SLC22A23: variants seen among roughly 807,000 people sequenced by gnomAD.
The protein encoded by SLC22A23 is solute carrier family 22 member 23, also known as ion transporter protein.
A neutral mutation model predicts 61.0 loss-of-function variants in SLC22A23; 26 were observed. The ratio of observed to expected loss-of-function variants is 0.43; its 90% CI spans 0.31 to 0.59. The LOEUF (loss-of-function observed/expected upper bound fraction) is 0.59. Among genes scored for constraint, SLC22A23 ranks in the 20% least tolerant of loss-of-function variants. The probability of loss-of-function intolerance (pLI) is 0.11; values close to 1 mark genes in which losing one functional copy is unlikely to be tolerated. For synonymous variants in SLC22A23, 430 were observed against 413.9 expected, an observed-to-expected ratio of 1.04 and a Z score of -0.47; for missense variants, 796 against 934.7, an observed-to-expected ratio of 0.85 and a Z score of 1.94.
intron 3 of SLC22A23, among the ~76,000 whole-genome samples, chr6:3,345,912 C>A (rs1490495816): frequency 6.6e-6 from 1 of 152,148 alleles, no homozygotes; most frequent in Non-Finnish European, 1.5e-5. Context: ...TATAGCCGAG[C>A]TTGTTTCTTA....
intron 3 of SLC22A23, among the ~76,000 whole-genome samples, chr6:3,402,463 GCCCTAATCACCC>G (rs1768477997): frequency 1.6e-3 from 47 of 29,592 alleles, no homozygotes; most frequent in African/African-American, 5.3e-3. Context: ...CTCTAGCTAA[GCCCTAATCACCC>G]ACACTACCCA....
At position 3,272,947 on chromosome 6, in the gene SLC22A23, G is replaced by A; in HGVS notation, c.*108C>T. The A allele has an allele frequency of 9.8e-7, 1 of 1,025,628 alleles. No homozygotes were observed. 63.5% of individuals were successfully genotyped at this position (1,025,628 alleles called of 1,614,324 possible). ...TTCCCCACACCAGTTGAGAGGCTCA[G>A]CTTGGCTGAGGCAGCTTTCCCACCC... On this transcript the variant is annotated 3_prime_UTR_variant, in exon 10 of 10. Transcript: ENST00000406686.
rs969709172 is a variant in SLC22A23 at position 3,333,349 on chromosome 6, C to T, written c.914-9347G>A. On this transcript the variant is annotated intron_variant, in intron 3 of 9. Coordinates refer to ENST00000406686, the MANE Select transcript of SLC22A23 (RefSeq NM_015482.2). The surrounding 1 kb of genome is among the most constrained non-coding windows in gnomAD (Gnocchi z 4.1). ...CTCTGGGTGATAGCTAATTTCACACCACACGTGCCCCTCCAAGGGCTCCTG... is the reference window on the plus strand; with the variant it reads ...CTCTGGGTGATAGCTAATTTCACACTACACGTGCCCCTCCAAGGGCTCCTG... 1.1e-4 allele frequency among the ~76,000 whole-genome samples: 16 copies of T among 152,236 alleles called. No homozygotes were observed. The highest frequency in any genetic ancestry group is 1.0e-3 in the Admixed American group (16 of 15,290).
At chr6:3,306,284 AC>A (rs1423440431) in intron 4 of SLC22A23, among the ~76,000 whole-genome samples, 1 of 152,128 alleles carries the variant, frequency 6.6e-6, no homozygotes, top group Admixed American at 6.5e-5. Flanking sequence ...ACCAGGCCCT[AC>A]CTCCAACACC....
In SLC22A23 at chr6:3,322,626, G is replaced by A. The variant is rs73354736; in HGVS notation, c.1082+1208C>T. On this transcript the variant is annotated intron_variant, in intron 4 of 9. Transcript: ENST00000406686. This position sits in a 1 kb window ranked among gnomAD's most constrained non-coding sequence, Gnocchi z 4.1. ...CTATTGCTGGCCCCCTGCTGCTGCC[G>A]AGGTCCTCATAACACAGTGAGCAAG... Among the ~76,000 whole-genome samples, 2 of 152,220 alleles carry A rather than the reference G, an allele frequency of 1.3e-5. No individual in the cohort carries two copies. The highest frequency in any genetic ancestry group is 4.8e-5 in the African/African-American group (2 of 41,524).
chr6:3,401,440 TTC>T (rs1260280277), intron 3 of SLC22A23, among the ~76,000 whole-genome samples: 2 of 113,552 alleles, frequency 1.8e-5, no homozygotes, highest in East Asian at 2.5e-4. Context: ...AAATATAACT[TTC>T]TTTCTAAAAT....
intron 3 of SLC22A23, among the ~76,000 whole-genome samples, chr6:3,337,489 T>C (rs1763924848): frequency 6.6e-6 from 1 of 151,470 alleles, no homozygotes; most frequent in Non-Finnish European, 1.5e-5. Context: ...CTGCCCCCAG[T>C]GTTAACATTC....
intron 1 of SLC22A23, among the ~76,000 whole-genome samples, chr6:3,443,081 AGT>A (rs1771699181): frequency 1.3e-5 from 2 of 152,206 alleles, no homozygotes. Context: ...GCCCTCAAAA[AGT>A]GTGTTTTGCT....
rs1765363039 is a variant in SLC22A23 at position 3,360,410 on chromosome 6, G to T, written c.914-36408C>A. ...ACCCAAGGATCCTTAAACTCAGGAG[G>T]ATCAGAAAGGCTCAATCACCAGGAG... is the stretch of plus-strand genomic sequence containing the variant. On this transcript the variant is annotated intron_variant, in intron 3 of 9. Coordinates refer to ENST00000406686, the MANE Select transcript of SLC22A23 (RefSeq NM_015482.2). The surrounding 1 kb of genome is among the most constrained non-coding windows in gnomAD (Gnocchi z 4.6). 6.6e-6 allele frequency among the ~76,000 whole-genome samples: 1 copy of T among 152,164 alleles called. No homozygotes were observed. Among genetic ancestry groups the T allele is most frequent in the South Asian group, 2.1e-4 (1 of 4,816 alleles).
intron 1 of SLC22A23, among the ~76,000 whole-genome samples, chr6:3,450,329 C>T (rs941895193): frequency 3.9e-5 from 6 of 152,128 alleles, no homozygotes; most frequent in Non-Finnish European, 7.4e-5. Flanking sequence ...TTTTTTGAGA[C>T]GGAGTCTCGC....
In SLC22A23 at chr6:3,330,508, T is replaced by G. The variant is rs912281373; in HGVS notation, c.914-6506A>C. ...TCTTCCCTGCACCCTCCCTCCTTCC[T>G]GTCACTCCCCAAGTGGGCCTGGAAG... On this transcript the variant is annotated intron_variant, in intron 3 of 9. Coordinates refer to ENST00000406686, the MANE Select transcript of SLC22A23 (RefSeq NM_015482.2). This position sits in a 1 kb window ranked among gnomAD's most constrained non-coding sequence, Gnocchi z 4.7. Among the ~76,000 whole-genome samples the G allele has an allele frequency of 6.6e-6, 1 of 152,216 alleles. No homozygotes were observed. The highest frequency in any genetic ancestry group is 1.5e-5 in the Non-Finnish European group (1 of 68,040).
chr6:3,437,226 C>G (rs201313852), intron 1 of SLC22A23, among the ~76,000 whole-genome samples: 1 of 151,688 alleles, frequency 6.6e-6, no homozygotes, highest in Non-Finnish European at 1.5e-5. Context: ...TATACTTAAA[C>G]CACATTATCA....
Position 3,335,868 on chromosome 6 carries a change from T to C in SLC22A23, c.914-11866A>G, listed in dbSNP as rs1279976837. Among the ~76,000 whole-genome samples, 3 of 152,114 alleles carry C rather than the reference T, an allele frequency of 2.0e-5. No individual in the cohort carries two copies. The East Asian group carries it at 5.8e-4, about 29-fold the overall frequency. ...ACTTTGGGAGGCCGAGGCGGGCGGATCAAGAGGTTAGGAGATCGAGGCCAT... is the reference window on the plus strand; with the variant it reads ...ACTTTGGGAGGCCGAGGCGGGCGGACCAAGAGGTTAGGAGATCGAGGCCAT... On this transcript the variant is annotated intron_variant, in intron 3 of 9. Transcript: ENST00000406686.
chr6:3,319,405 A>AG (rs1762821269), intron 4 of SLC22A23, among the ~76,000 whole-genome samples: 1 of 152,104 alleles, frequency 6.6e-6, no homozygotes, highest in African/African-American at 2.4e-5. Flanking sequence ...AGCCCCTCAG[A>AG]GGGGTCTCTC....
rs192959919 is a variant in SLC22A23 at position 3,397,481 on chromosome 6, C to G, written c.913+12707G>C. ...CATCTCTAGCAAATTAGACAAGGTC[C>G]AGGAATTAGAGGTCTCAGTTTCCTT... is the stretch of plus-strand genomic sequence containing the variant. On this transcript the variant is annotated intron_variant, in intron 3 of 9. Coordinates refer to ENST00000406686, the MANE Select transcript of SLC22A23 (RefSeq NM_015482.2). Among the ~76,000 whole-genome samples the G allele has an allele frequency of 3.9e-5, 6 of 152,276 alleles. No homozygotes were observed. The East Asian group carries it at 1.2e-3, about 29-fold the overall frequency.
At position 3,326,332 on chromosome 6, in the gene SLC22A23, C is replaced by T. The variant is rs575407785; in HGVS notation, c.914-2330G>A. Among the ~76,000 whole-genome samples the T allele has an allele frequency of 1.2e-3, 190 of 152,312 alleles. 2 individuals carry two copies. The highest frequency in any genetic ancestry group is 2.0e-3 in the Non-Finnish European group (134 of 68,018). On this transcript the variant is annotated intron_variant, in intron 3 of 9. Transcript: ENST00000406686. ...TAACCCTTTGCTGCCTGAAGTGTAG[C>T]GTGTGAACCTGCTGTGTCGGTATCG...
At chr6:3,444,745 A>T (rs1771796915) in intron 1 of SLC22A23, 1 of 957,330 alleles carries the variant, frequency 1.0e-6, no homozygotes, top group Non-Finnish European at 1.2e-6. Context: ...AGACACATAA[A>T]CCCTGTAGAG....
intron 3 of SLC22A23, among the ~76,000 whole-genome samples, chr6:3,336,101 AG>A (rs1431512522): frequency 4.0e-5 from 6 of 151,044 alleles, no homozygotes; most frequent in African/African-American, 1.2e-4. Context: ...AAAAAAAAAA[AG>A]AGAGAAATCT....
At position 3,410,459 on chromosome 6, in the gene SLC22A23, A is replaced by G. The variant is rs1769146282; in HGVS notation, c.759-117T>C. 1 of 1,118,458 alleles carries G rather than the reference A, an allele frequency of 8.9e-7. No homozygotes were observed. The highest frequency in any genetic ancestry group is 1.2e-6 in the Non-Finnish European group (1 of 807,380). The allele number at this position is 1,118,458 out of a possible 1,614,324, so 69.3% of individuals were successfully genotyped here. A position where few individuals can be genotyped will look rare whatever the true frequency, so the allele number is the denominator to read the frequency against. On this transcript the variant is annotated intron_variant, in intron 2 of 9. Coordinates refer to ENST00000406686, the MANE Select transcript of SLC22A23 (RefSeq NM_015482.2). This position sits in a 1 kb window ranked among gnomAD's most constrained non-coding sequence, Gnocchi z 5.0. ...TATGTTGAATGAGTACTGGGTAAAA[A>G]GTCCTGTGCCATCTATACCCACTTC...
Sources: gnomAD v4.1 joint callset for allele counts (sites outside exome capture counted in the v4.1 genomes callset) on GRCh38, gnomAD v4.1.1 for gene constraint, Gnocchi (gnomAD v3.1) non-coding constraint, MANE v1.5 for transcripts, NCBI Gene and HGNC (gene_info 2026-07-23, HGNC 2026-07-21) for gene names.